The following SUPT3H variants were observed in gnomAD, a reference collection of about 807,000 sequenced individuals.
SUPT3H encodes the protein SPT3 homolog, SAGA and STAGA complex component, also known as transcription initiation protein SPT3 homolog.
SUPT3H carries 44 observed loss-of-function variants against 44.3 expected under a neutral mutation model. The observed-to-expected ratio is 0.99, with a 90% CI of 0.78 to 1.28. The LOEUF is 1.28. SUPT3H is among the 50% of genes most tolerant of loss of function. The pLI, the probability that SUPT3H is intolerant of heterozygous loss-of-function variation, is 0.00. For synonymous variants in SUPT3H, 124 were observed against 125.6 expected (o/e 0.99, Z 0.09); for missense variants, 380 against 387.1 (o/e 0.98, Z 0.15).
intron 6 of SUPT3H, among the ~76,000 whole-genome samples, chr6:44,976,487 G>A (rs1778360890): frequency 6.6e-6 from 1 of 151,742 alleles, no homozygotes; most frequent in Non-Finnish European, 1.5e-5. Flanking sequence ...TCAGCGTCCC[G>A]AATAGCTGGG....
At chr6:44,869,279 A>C (rs1775978117) in intron 10 of SUPT3H, among the ~76,000 whole-genome samples, 2 of 152,196 alleles carry the variant, frequency 1.3e-5, no homozygotes, top group South Asian at 4.1e-4. Flanking sequence ...ACAATACTGA[A>C]AAAGCCCTTC....
intron 3 of SUPT3H, among the ~76,000 whole-genome samples, chr6:45,077,804 AC>A (rs1183379417): frequency 6.6e-6 from 1 of 152,008 alleles, no homozygotes; most frequent in African/African-American, 2.4e-5. Context: ...CCACACCTCA[AC>A]TTTTTGTTTT....
chr6:45,280,501 A>T (rs988827162), intron 2 of SUPT3H, among the ~76,000 whole-genome samples: 3 of 152,132 alleles, frequency 2.0e-5, no homozygotes, highest in Admixed American at 6.6e-5. Context: ...AAACCAAAAA[A>T]CAACAAAAAA....
intron 11 of SUPT3H, among the ~76,000 whole-genome samples, chr6:44,811,762 C>T (rs1766542269): frequency 6.6e-6 from 1 of 152,228 alleles, no homozygotes. Flanking sequence ...GGCAGTTATA[C>T]AGAAGCATGG....
chr6:45,251,061 C>T (rs1772289349), intron 2 of SUPT3H: 1 of 152,210 alleles, frequency 6.6e-6, no homozygotes, highest in Non-Finnish European at 1.5e-5. Context: ...CCTCCTTCCT[C>T]AGCCTCCCAG....
chr6:45,093,325 C>A (rs1397594481), intron 3 of SUPT3H, among the ~76,000 whole-genome samples: 3 of 151,990 alleles, frequency 2.0e-5, no homozygotes, highest in Admixed American at 6.6e-5. Context: ...TGGAAAATGG[C>A]CTATATATAC....
At chr6:45,230,686 A>ATTT (rs1554294714) in intron 2 of SUPT3H, among the ~76,000 whole-genome samples, 3 of 116,796 alleles carry the variant, frequency 2.6e-5, no homozygotes, top group Non-Finnish European at 5.5e-5. Flanking sequence ...ATATATATAT[A>ATTT]TTTTTGAGAT....
intron 2 of SUPT3H, among the ~76,000 whole-genome samples, chr6:45,132,575 T>C (rs1803637699): frequency 6.6e-6 from 1 of 152,212 alleles, no homozygotes; most frequent in African/African-American, 2.4e-5. Flanking sequence ...ATATTTTGAT[T>C]GCAATTTTAG....
At chr6:44,899,681 G>A (rs569558998) in intron 10 of SUPT3H, among the ~76,000 whole-genome samples, 96 of 152,170 alleles carry the variant, frequency 6.3e-4, no homozygotes, top group East Asian at 5.2e-3. Context: ...AGTGAGACTC[G>A]TCTCAAAACA....
intron 2 of SUPT3H, among the ~76,000 whole-genome samples, chr6:45,157,691 G>A (rs1426128123): frequency 1.3e-5 from 2 of 151,818 alleles, no homozygotes; most frequent in Non-Finnish European, 2.9e-5. Flanking sequence ...TGGGATTACA[G>A]GCGCGCACCA....
At chr6:45,182,244 C>T (rs1397250620) in intron 2 of SUPT3H, among the ~76,000 whole-genome samples, 1 of 152,046 alleles carries the variant, frequency 6.6e-6, no homozygotes, top group Non-Finnish European at 1.5e-5. Flanking sequence ...ATTTGTTTGC[C>T]TTTTTTATTT....
chr6:44,893,613 G>A (rs1284122006), intron 10 of SUPT3H, among the ~76,000 whole-genome samples: 2 of 151,872 alleles, frequency 1.3e-5, no homozygotes, highest in East Asian at 3.9e-4. Context: ...TCTTAATCCA[G>A]TCTATCATTG....
intron 2 of SUPT3H, among the ~76,000 whole-genome samples, chr6:45,349,650 T>A (rs1682715769): frequency 6.6e-6 from 1 of 152,326 alleles, no homozygotes; most frequent in Middle Eastern, 3.4e-3. Flanking sequence ...TTTTAAGTCA[T>A]AGGTTGTTTC....
intron 10 of SUPT3H, among the ~76,000 whole-genome samples, chr6:44,852,950 C>G (rs1270841550): frequency 1.3e-5 from 2 of 152,110 alleles, no homozygotes; most frequent in Non-Finnish European, 2.9e-5. Flanking sequence ...TGGTTCAAAA[C>G]AATTCTAAAC....
intron 2 of SUPT3H, among the ~76,000 whole-genome samples, chr6:45,245,377 C>A (rs796864912): frequency 6.6e-6 from 1 of 152,040 alleles, no homozygotes; most frequent in African/African-American, 2.4e-5. Context: ...GCAAACATCA[C>A]CACTATCCAT....
intron 2 of SUPT3H, among the ~76,000 whole-genome samples, chr6:45,256,657 T>C (rs1338533666): frequency 6.6e-6 from 1 of 152,142 alleles, no homozygotes; most frequent in Non-Finnish European, 1.5e-5. Context: ...TCTGTTGGTA[T>C]AAATTTCCCA....
intron 2 of SUPT3H, among the ~76,000 whole-genome samples, chr6:45,360,532 A>G: frequency 6.6e-6 from 1 of 152,240 alleles, no homozygotes; most frequent in East Asian, 1.9e-4. Context: ...GAGACTATAC[A>G]TATCAGGGCT....
intron 2 of SUPT3H, among the ~76,000 whole-genome samples, chr6:45,219,193 T>C (rs557235789): frequency 2.6e-5 from 4 of 151,736 alleles, no homozygotes; most frequent in African/African-American, 4.8e-5. Flanking sequence ...CTCAAGAAAG[T>C]AGAAAAAAAG....
intron 2 of SUPT3H, among the ~76,000 whole-genome samples, chr6:45,356,841 T>C (rs1224054169): frequency 6.6e-6 from 1 of 152,230 alleles, no homozygotes; most frequent in African/African-American, 2.4e-5. Context: ...CAAGATTTAT[T>C]CCACTATATT....
Sources: allele counts gnomAD v4.1 joint callset (sites outside exome capture counted in the v4.1 genomes callset), GRCh38; gene constraint gnomAD v4.1.1; transcripts MANE v1.5; gene names NCBI Gene and HGNC (gene_info 2026-07-23, HGNC 2026-07-21).